DOCK7: variants seen among roughly 807,000 people sequenced by gnomAD.
DOCK7 encodes the protein dedicator of cytokinesis protein 7.
In DOCK7, 138 loss-of-function variants were observed where a neutral mutation model predicts 271.0. The ratio of observed to expected loss-of-function variants is 0.51; its 90% confidence interval spans 0.44 to 0.59. The LOEUF is 0.59. Among genes scored for constraint, DOCK7 ranks in the 20% least tolerant of loss-of-function variants. The probability of loss-of-function intolerance (pLI) is 0.00; values close to 1 mark genes in which losing one functional copy is unlikely to be tolerated. For missense variants in DOCK7, 2,066 were observed against 2,592.4 expected, an observed-to-expected ratio of 0.80 and a Z score of 4.41; for synonymous variants, 823 against 876.1, an observed-to-expected ratio of 0.94 and a Z score of 1.07.
At chr1:62,604,988 T>A in intron 14 of DOCK7, 1 of 643,866 alleles carries the variant, frequency 1.6e-6, no homozygotes, top group Non-Finnish European at 2.6e-6. Context: ...CCTTAAAGAA[T>A]ACCGTTTACA....
At chr1:62,602,307 A>T (rs775184719) in intron 14 of DOCK7, 1 of 1,610,624 alleles carries the variant, frequency 6.2e-7, no homozygotes, top group Non-Finnish European at 8.5e-7. Context: ...CATTAATTCA[A>T]CATCGAATAG....
intron 14 of DOCK7, chr1:62,597,801 G>T (rs767345973): frequency 5.0e-6 from 8 of 1,613,296 alleles, no homozygotes; most frequent in African/African-American, 4.0e-5. Flanking sequence ...CAACATATTT[G>T]ATCAGTCTTT....
intron 14 of DOCK7, chr1:62,598,633 A>T: frequency 1.1e-6 from 1 of 873,356 alleles, no homozygotes; most frequent in Non-Finnish European, 1.9e-6. Flanking sequence ...TGATAGTGTT[A>T]CAGGAAATTA....
chr1:62,640,286 G>T (rs1182140413), intron 7 of DOCK7, among the ~76,000 whole-genome samples: 1 of 152,078 alleles, frequency 6.6e-6, no homozygotes, highest in Non-Finnish European at 1.5e-5. Context: ...GGCCGAGGCA[G>T]GTGGATCACG....
At chr1:62,490,013 C>G (rs193165948) in intron 41 of DOCK7, among the ~76,000 whole-genome samples, 8 of 149,890 alleles carry the variant, frequency 5.3e-5, no homozygotes, top group Admixed American at 4.6e-4. Context: ...ATCACATAAT[C>G]AGAGTGAGAG....
At chr1:62,495,245 T>G (rs1359638111) in intron 39 of DOCK7, 3 of 162,604 alleles carry the variant, frequency 1.8e-5, no homozygotes, top group African/African-American at 7.2e-5. Context: ...ACACAGAAGA[T>G]CCAAAGATGC....
At position 62,487,710 on chromosome 1, in the gene DOCK7, G is replaced by A. The variant is rs74076686; in HGVS notation, c.5494-298C>T. The A allele has an allele frequency of 0.028, 7,511 of 272,906 alleles. 328 individuals carry two copies. The highest frequency in any genetic ancestry group is 0.11 in the African/African-American group (4,992 of 45,990). 16.9% of individuals were successfully genotyped at this position (272,906 alleles called of 1,614,324 possible). On this transcript the variant is annotated intron_variant, in intron 42 of 49. Transcript: ENST00000635253. The stretch of plus-strand genomic sequence containing the variant: ...GTAAGATCTCTAACTAAGGTGAGCT[G>A]CACTTCACCAAGTATCCAGGATAAA...
chr1:62,487,316 G>A, intron 43 of DOCK7, 82 bp downstream of exon 43: 10 of 1,353,282 alleles, frequency 7.4e-6, no homozygotes, highest in Non-Finnish European at 9.4e-6. Context: ...CCCACAGCTA[G>A]CACATGTGGG....
intron 2 of DOCK7, among the ~76,000 whole-genome samples, chr1:62,659,855 A>C (rs946067366): frequency 6.6e-6 from 1 of 152,186 alleles, no homozygotes; most frequent in Admixed American, 6.5e-5. Flanking sequence ...AGGACATAGC[A>C]ATCTTAAATG....
At chr1:62,624,411 T>C (rs1054743757) in intron 12 of DOCK7, among the ~76,000 whole-genome samples, 3 of 152,184 alleles carry the variant, frequency 2.0e-5, no homozygotes, top group African/African-American at 7.2e-5. Flanking sequence ...ATTTGACTCA[T>C]GGTTAAAAGT....
At chr1:62,586,980 CATT>C (rs1647627164) in intron 14 of DOCK7, among the ~76,000 whole-genome samples, 1 of 151,920 alleles carries the variant, frequency 6.6e-6, no homozygotes, top group African/African-American at 2.4e-5. Flanking sequence ...TGGACTGACA[CATT>C]ATTAAGTTAA....
intron 48 of DOCK7, among the ~76,000 whole-genome samples, chr1:62,471,655 C>T (rs930556037): frequency 1.3e-5 from 2 of 152,006 alleles, no homozygotes; most frequent in Non-Finnish European, 2.9e-5. Flanking sequence ...GACCTTGTCT[C>T]TAAAACAAAA....
intron 22 of DOCK7, among the ~76,000 whole-genome samples, chr1:62,546,813 TTA>T (rs1645724677): frequency 1.3e-5 from 2 of 152,212 alleles, no homozygotes; most frequent in Middle Eastern, 3.4e-3. Flanking sequence ...ACCAAAAGGC[TTA>T]TGTTTTTCAT....
intron 1 of DOCK7, among the ~76,000 whole-genome samples, chr1:62,682,297 C>G (rs1661257807): frequency 6.6e-6 from 1 of 152,152 alleles, no homozygotes; most frequent in South Asian, 2.1e-4. Context: ...ACTTAATTTG[C>G]AACACACTTG....
intron 18 of DOCK7, among the ~76,000 whole-genome samples, chr1:62,563,437 G>A (rs1459327907): frequency 6.6e-6 from 1 of 151,956 alleles, no homozygotes; most frequent in Admixed American, 6.6e-5. Flanking sequence ...AGATAGACCC[G>A]ACAAGGATTT....
chr1:62,556,015 C>T, intron 20 of DOCK7, 26 bp from the exon 21 acceptor site: 2 of 1,606,518 alleles, frequency 1.2e-6, no homozygotes, highest in Non-Finnish European at 1.7e-6. Context: ...AAGTATTTAC[C>T]TTTGCTTTAA....
At chr1:62,604,608 TA>T in intron 14 of DOCK7, 1 of 1,608,856 alleles carries the variant, frequency 6.2e-7, no homozygotes, top group African/African-American at 1.3e-5. Flanking sequence ...CTGTACCCAT[TA>T]AATTGCATAT....
intron 27 of DOCK7, among the ~76,000 whole-genome samples, chr1:62,539,014 A>G (rs937106488): frequency 2.0e-5 from 3 of 152,232 alleles, no homozygotes; most frequent in African/African-American, 7.2e-5. Flanking sequence ...GTTGATAAAA[A>G]TTTTAAAACA....
chr1:62,582,993 G>T (rs980803591), intron 16 of DOCK7, among the ~76,000 whole-genome samples, 191 bp downstream of exon 16: 4 of 152,176 alleles, frequency 2.6e-5, no homozygotes, highest in African/African-American at 9.7e-5. Flanking sequence ...AAGATGTTTG[G>T]TGTACAAAGT....
Sources: allele counts gnomAD v4.1 joint callset (sites outside exome capture counted in the v4.1 genomes callset), GRCh38; gene constraint gnomAD v4.1.1; transcripts MANE v1.5; gene names NCBI Gene and HGNC (gene_info 2026-07-23, HGNC 2026-07-21).